IMMP2L: variants seen among roughly 807,000 people sequenced by gnomAD.
IMMP2L encodes the protein mitochondrial inner membrane protease subunit 2.
A neutral mutation model predicts 19.3 loss-of-function variants in IMMP2L; 18 were observed. The ratio of observed to expected loss-of-function variants is 0.93; its 90% CI spans 0.64 to 1.38. The LOEUF (loss-of-function observed/expected upper bound fraction) is 1.38, where lower values mean the gene tolerates loss of function less well. Ranked by LOEUF, IMMP2L falls within the 40% of genes most tolerant of loss-of-function variation. The pLI is 0.00. For synonymous variants in IMMP2L, 76 were observed against 73.0 expected, an observed-to-expected ratio of 1.04 and a Z score of -0.21; for missense variants, 233 against 218.2, an observed-to-expected ratio of 1.07 and a Z score of -0.43.
chr7:110,841,690 CT>C (rs1010295336), intron 5 of IMMP2L, among the ~76,000 whole-genome samples: 4 of 151,756 alleles, frequency 2.6e-5, no homozygotes, highest in African/African-American at 7.3e-5. Context: ...TGCTTGAAGA[CT>C]TTTTTTTAAA....
chr7:110,933,805 A>T (rs948025974), intron 4 of IMMP2L, among the ~76,000 whole-genome samples: 19 of 152,196 alleles, frequency 1.2e-4, no homozygotes, highest in Admixed American at 1.2e-3. Flanking sequence ...CCTATTAATG[A>T]TGAAAACAAA....
chr7:111,486,697 C>T (rs182162132), intron 3 of IMMP2L, among the ~76,000 whole-genome samples: 3 of 152,138 alleles, frequency 2.0e-5, no homozygotes, highest in Admixed American at 2.0e-4. Flanking sequence ...TACATTAAGA[C>T]TGGAATGAAA....
chr7:110,759,895 C>T (rs1458351245), intron 5 of IMMP2L, among the ~76,000 whole-genome samples: 1 of 152,060 alleles, frequency 6.6e-6, no homozygotes, highest in Non-Finnish European at 1.5e-5. Flanking sequence ...TTATTAGATT[C>T]ATTCTTTCCC....
At chr7:110,793,990 T>C (rs996120921) in intron 5 of IMMP2L, among the ~76,000 whole-genome samples, 1 of 152,088 alleles carries the variant, frequency 6.6e-6, no homozygotes, top group Non-Finnish European at 1.5e-5. Flanking sequence ...AGCAAAAAGC[T>C]GACAACTCAA....
chr7:111,466,228 T>C (rs906360831), intron 3 of IMMP2L, among the ~76,000 whole-genome samples: 2 of 152,088 alleles, frequency 1.3e-5, no homozygotes, highest in African/African-American at 4.8e-5. Context: ...TAATGTTAAA[T>C]GACAAGTTAA....
intron 1 of IMMP2L, among the ~76,000 whole-genome samples, chr7:111,542,165 T>C (rs1848556260): frequency 1.3e-5 from 2 of 152,094 alleles, no homozygotes; most frequent in South Asian, 4.1e-4. Flanking sequence ...AATAGAGTGA[T>C]TAGCCATTCA....
At chr7:110,676,158 T>A (rs1390790933) in intron 5 of IMMP2L, among the ~76,000 whole-genome samples, 1 of 152,236 alleles carries the variant, frequency 6.6e-6, no homozygotes, top group South Asian at 2.1e-4. Context: ...CATAAGGTAC[T>A]GTTTCTTCTG....
At chr7:111,434,145 T>C (rs1168702335) in intron 3 of IMMP2L, among the ~76,000 whole-genome samples, 5 of 151,708 alleles carry the variant, frequency 3.3e-5, no homozygotes, top group Non-Finnish European at 7.4e-5. Context: ...CACATACATA[T>C]AACTAACTAA....
At chr7:111,271,744 G>A (rs1465592468) in intron 3 of IMMP2L, among the ~76,000 whole-genome samples, 5 of 152,034 alleles carry the variant, frequency 3.3e-5, no homozygotes, top group African/African-American at 1.2e-4. Flanking sequence ...CTATCCAATT[G>A]ACCATCTGGA....
intron 2 of IMMP2L, among the ~76,000 whole-genome samples, chr7:111,488,772 C>T (rs1041868392): frequency 2.0e-5 from 3 of 152,090 alleles, no homozygotes; most frequent in Non-Finnish European, 2.9e-5. Context: ...ATTTAAGGAA[C>T]CTCGATGCTG....
intron 1 of IMMP2L, among the ~76,000 whole-genome samples, chr7:111,557,685 TG>T (rs1791530563): frequency 6.6e-6 from 1 of 152,182 alleles, no homozygotes. Context: ...ATACAGTATT[TG>T]AACTATTGGT....
chr7:111,176,136 G>T (rs1418030279), intron 3 of IMMP2L, among the ~76,000 whole-genome samples: 1 of 151,976 alleles, frequency 6.6e-6, no homozygotes, highest in Non-Finnish European at 1.5e-5. Flanking sequence ...GCAAAGATGT[G>T]AAGAAAAGGA....
At position 111,005,898 on chromosome 7, in the gene IMMP2L, T is replaced by A. The variant is rs540363629; in HGVS notation, c.240-42333A>T. 3.9e-5 allele frequency among the ~76,000 whole-genome samples: 6 copies of A among 152,250 alleles called. No homozygotes were observed. In the South Asian group the frequency reaches 1.0e-3, roughly 26 times the overall value. ...GCTTCAGAATGCATGGAAACAGAAT[T>A]AGCGGCTGGAACACTGGTGAACAAA... On this transcript the variant is annotated intron_variant, in intron 3 of 5. Coordinates refer to ENST00000405709, the MANE Select transcript of IMMP2L (RefSeq NM_032549.4).
intron 5 of IMMP2L, among the ~76,000 whole-genome samples, chr7:110,833,439 CAAAAAAAAA>C (rs66826955): frequency 2.6e-5 from 3 of 115,466 alleles, no homozygotes; most frequent in Admixed American, 1.9e-4. Flanking sequence ...AACTTCGTCT[CAAAAAAAAA>C]AAAAAAAAGA....
intron 3 of IMMP2L, among the ~76,000 whole-genome samples, chr7:111,078,257 G>T (rs75240826): frequency 0.04 from 6,021 of 152,216 alleles, 173 homozygotes; most frequent in African/African-American, 0.075. Context: ...AAAAATAAAT[G>T]CTGGCAAGGG....
intron 3 of IMMP2L, among the ~76,000 whole-genome samples, chr7:111,404,075 C>T (rs1833705227): frequency 6.6e-6 from 1 of 152,140 alleles, no homozygotes; most frequent in Non-Finnish European, 1.5e-5. Flanking sequence ...ACATTTAACA[C>T]AGCCCTAGCT....
chr7:110,672,341 G>T (rs775154465), intron 5 of IMMP2L, among the ~76,000 whole-genome samples: 29 of 152,032 alleles, frequency 1.9e-4, no homozygotes, highest in Non-Finnish European at 5.9e-5. Context: ...CCTCCTACTA[G>T]GTCCCTCCCA....
intron 3 of IMMP2L, among the ~76,000 whole-genome samples, chr7:111,136,189 G>A (rs900099062): frequency 7.2e-5 from 11 of 151,878 alleles, no homozygotes; most frequent in Non-Finnish European, 1.0e-4. Flanking sequence ...CACCATGCCC[G>A]GCTAATTTTT....
At chr7:110,834,131 G>GT (rs1804215829) in intron 5 of IMMP2L, among the ~76,000 whole-genome samples, 1 of 152,100 alleles carries the variant, frequency 6.6e-6, no homozygotes, top group African/African-American at 2.4e-5. Context: ...GAAGTCTCTA[G>GT]TTTTTTATTG....
Sources: gnomAD v4.1 joint callset for allele counts (sites outside exome capture counted in the v4.1 genomes callset) on GRCh38, gnomAD v4.1.1 for gene constraint, MANE v1.5 for transcripts, NCBI Gene and HGNC (gene_info 2026-07-23, HGNC 2026-07-21) for gene names.